TRAF3: variants seen among roughly 807,000 people sequenced by gnomAD.
TRAF3 encodes TNF receptor associated factor 3, also known as TNF receptor-associated factor 3.
Under a neutral mutation model 62.3 loss-of-function variants are expected in TRAF3, and 13 were observed. That is an observed-to-expected ratio of 0.21 (90% confidence interval 0.14 to 0.33). TRAF3 has a LOEUF of 0.33. Among genes scored for constraint, TRAF3 ranks in the 10% least tolerant of loss-of-function variants. The pLI, the probability that TRAF3 is intolerant of heterozygous loss-of-function variation, is 1.00. For missense variants in TRAF3, 440 were observed against 741.8 expected, an observed-to-expected ratio of 0.59 and a Z score of 4.73; for synonymous variants, 269 against 283.4, an observed-to-expected ratio of 0.95 and a Z score of 0.51.
At chr14:102,829,826 T>C (rs1900557911) in intron 1 of TRAF3, among the ~76,000 whole-genome samples, 1 of 152,110 alleles carries the variant, frequency 6.6e-6, no homozygotes, top group Non-Finnish European at 1.5e-5. Context: ...GTTTGCTGTT[T>C]GTTAGAAATA....
At position 102,788,676 on chromosome 14, in the gene TRAF3, T is replaced by C. The variant is rs190319267; in HGVS notation, c.-157+11001T>C. Among the ~76,000 whole-genome samples the C allele has an allele frequency of 2.5e-3, 379 of 152,334 alleles. 2 individuals carry two copies. Among genetic ancestry groups the C allele is most frequent in the Non-Finnish European group, 4.4e-3 (302 of 68,032 alleles). On this transcript the variant is annotated intron_variant, in intron 1 of 11. Transcript: ENST00000392745. The stretch of plus-strand genomic sequence containing the variant: ...AGCTGGGCGTGGTGGCGCATGCCTC[T>C]AGTCCCAGCTACTCAGGAGGCTGAG...
chr14:102,851,171 T>C (rs1455481075), intron 2 of TRAF3, among the ~76,000 whole-genome samples: 2 of 152,220 alleles, frequency 1.3e-5, no homozygotes, highest in Admixed American at 1.3e-4. Flanking sequence ...CAATAATTAT[T>C]ATAAATATTG....
intron 9 of TRAF3, among the ~76,000 whole-genome samples, chr14:102,891,693 A>G (rs988803395): frequency 6.6e-6 from 1 of 151,716 alleles, no homozygotes; most frequent in African/African-American, 2.4e-5. Context: ...TCAGATGCCC[A>G]GTCCCCACCC....
chr14:102,788,792 C>T (rs1482012144), intron 1 of TRAF3, among the ~76,000 whole-genome samples: 1 of 143,096 alleles, frequency 7.0e-6, no homozygotes, highest in Non-Finnish European at 1.6e-5. Flanking sequence ...AGCAAGACTC[C>T]ATCTCAAAAC....
intron 1 of TRAF3, among the ~76,000 whole-genome samples, chr14:102,792,678 T>A (rs565126185): frequency 1.7e-3 from 259 of 152,178 alleles, no homozygotes; most frequent in African/African-American, 5.6e-3. Context: ...TGTAGTGTAT[T>A]GTATTGATTT....
chr14:102,805,293 A>G (rs1483796192), intron 1 of TRAF3, among the ~76,000 whole-genome samples: 2 of 152,222 alleles, frequency 1.3e-5, no homozygotes, highest in African/African-American at 2.4e-5. Context: ...GGAAAAAGGT[A>G]AAACCTCAAA....
At chr14:102,861,586 T>C (rs1887681382) in intron 2 of TRAF3, among the ~76,000 whole-genome samples, 1 of 152,192 alleles carries the variant, frequency 6.6e-6, no homozygotes, top group South Asian at 2.1e-4. Context: ...TCCTTTGGGT[T>C]GGGAGTCTCC....
At chr14:102,851,642 G>T (rs527703118) in intron 2 of TRAF3, among the ~76,000 whole-genome samples, 41 of 152,364 alleles carry the variant, frequency 2.7e-4, no homozygotes, top group African/African-American at 9.9e-4. Flanking sequence ...TACTCAGGAG[G>T]CTGAGGCAGG....
At chr14:102,858,286 G>A (rs1180291796) in intron 2 of TRAF3, among the ~76,000 whole-genome samples, 1 of 151,984 alleles carries the variant, frequency 6.6e-6, no homozygotes, top group Non-Finnish European at 1.5e-5. Flanking sequence ...TGAGTAGCTG[G>A]GCTTACAGGT....
intron 10 of TRAF3, among the ~76,000 whole-genome samples, chr14:102,901,277 C>T (rs569771648): frequency 4.6e-5 from 7 of 152,288 alleles, no homozygotes; most frequent in Middle Eastern, 3.4e-3. Context: ...CTCTTAACCT[C>T]GGGGGCCTGA....
chr14:102,789,594 A>ATG (rs56383846), intron 1 of TRAF3, among the ~76,000 whole-genome samples: 3,517 of 148,608 alleles, frequency 0.024, 66 homozygotes, highest in South Asian at 0.077. Context: ...AAAAGGATAT[A>ATG]TGTGTGTGTG....
rs529943148 is a variant in TRAF3 at position 102,818,231 on chromosome 14, C to A, written c.-156-12103C>A. On this transcript the variant is annotated intron_variant, in intron 1 of 11. Transcript: ENST00000392745. ...AGCTGGGGGTAGTGCTGTTAGCCAACCTTTTACAATATTTAACAATCAGTA... is the reference window on the plus strand; with the variant it reads ...AGCTGGGGGTAGTGCTGTTAGCCAAACTTTTACAATATTTAACAATCAGTA... Among the ~76,000 whole-genome samples the A allele has an allele frequency of 2.0e-5, 3 of 152,218 alleles. No homozygotes were observed. In the South Asian group the frequency reaches 6.2e-4, roughly 32 times the overall value.
At chr14:102,822,776 C>T (rs1344905520) in intron 1 of TRAF3, among the ~76,000 whole-genome samples, 1 of 152,130 alleles carries the variant, frequency 6.6e-6, no homozygotes, top group Non-Finnish European at 1.5e-5. Context: ...GAGGTGAAGG[C>T]GGGTGGATCA....
rs550601013 is a variant in TRAF3, at chr14:102,838,909, C to T, written c.-18+8437C>T. Among the ~76,000 whole-genome samples, 5 of 152,260 alleles carry T rather than the reference C, an allele frequency of 3.3e-5. No individual in the cohort carries two copies. The South Asian group carries it at 8.3e-4, about 25-fold the overall frequency. On this transcript the variant is annotated intron_variant, in intron 2 of 11. Transcript: ENST00000392745. The stretch of plus-strand genomic sequence containing the variant: ...CCTTAAATTTCATAATCTTCATTCC[C>T]CCACTAAATTTAATACCATAACATT...
At position 102,897,459 on chromosome 14, in the gene TRAF3, C is replaced by T. The variant is rs1890062990; in HGVS notation, c.960+58C>T. ...GGTGGAGGAGCTTGCCTGTGTTCCC[C>T]TTAAGGGTTTCTTAGCAAACTCTTT... On this transcript the variant is annotated intron_variant, in intron 10 of 11. Coordinates refer to ENST00000392745, the MANE Select transcript of TRAF3 (RefSeq NM_145725.3). The T allele has an allele frequency of 2.5e-6, 4 of 1,602,996 alleles. No individual in the cohort carries two copies. The South Asian group carries it at 4.4e-5, about 18-fold the overall frequency.
chr14:102,830,633 G>T (rs750588898), intron 2 of TRAF3, among the ~76,000 whole-genome samples, 161 bp downstream of exon 2: 1 of 152,162 alleles, frequency 6.6e-6, no homozygotes, highest in African/African-American at 2.4e-5. Flanking sequence ...TACTCAGTGT[G>T]CTGGAGTCAC....
chr14:102,803,214 A>G (rs556927299), intron 1 of TRAF3, among the ~76,000 whole-genome samples: 51 of 152,214 alleles, frequency 3.4e-4, no homozygotes, highest in African/African-American at 1.2e-3. Context: ...CAGGCTTTTT[A>G]TAGAGGGAGT....
At chr14:102,876,989 A>C (rs139691894) in intron 6 of TRAF3, among the ~76,000 whole-genome samples, 7 of 144,778 alleles carry the variant, frequency 4.8e-5, no homozygotes, top group Non-Finnish European at 7.5e-5. Context: ...CCTTCCCTCA[A>C]CTCATAGATA....
In TRAF3 at chr14:102,781,013, G is replaced by C. The variant is rs191849984; in HGVS notation, c.-157+3338G>C. 5.3e-3 allele frequency among the ~76,000 whole-genome samples: 812 copies of C among 152,338 alleles called. 6 individuals carry two copies. The highest frequency in any genetic ancestry group is 9.7e-3 in the Admixed American group (149 of 15,312). On this transcript the variant is annotated intron_variant, in intron 1 of 11. Coordinates refer to ENST00000392745, the MANE Select transcript of TRAF3 (RefSeq NM_145725.3). ...TCTCCCACCAGGAAGAAACCAGAAA[G>C]TAAAAATGTAGGATGAAATGAATTA...
Sources: gnomAD v4.1 joint callset for allele counts (sites outside exome capture counted in the v4.1 genomes callset) on GRCh38, gnomAD v4.1.1 for gene constraint, MANE v1.5 for transcripts, NCBI Gene and HGNC (gene_info 2026-07-23, HGNC 2026-07-21) for gene names.